The following ACACB variants were observed in gnomAD, a reference collection of about 807,000 sequenced individuals.
ACACB encodes the protein acetyl-CoA carboxylase beta.
In ACACB, 209 loss-of-function variants were observed where a neutral mutation model predicts 278.8. The ratio of observed to expected loss-of-function variants is 0.75; its 90% CI spans 0.67 to 0.84. The LOEUF (loss-of-function observed/expected upper bound fraction) is 0.84, where lower values mean the gene tolerates loss of function less well. ACACB is among the 40% of genes least tolerant of loss of function. The pLI, the probability that ACACB is intolerant of heterozygous loss-of-function variation, is 0.00. For synonymous variants in ACACB, 1,174 were observed against 1,285.6 expected, an observed-to-expected ratio of 0.91 and a Z score of 1.86; for missense variants, 2,850 against 3,269.0, an observed-to-expected ratio of 0.87 and a Z score of 3.13.
Position 109,209,325 on chromosome 12 carries a change from C to A in ACACB, c.3221C>A (p.Ser1074Ter), listed in dbSNP as rs376684937. 6.2e-7 allele frequency: 1 copy of A among 1,611,858 alleles called. No homozygotes were observed. Among genetic ancestry groups the A allele is most frequent in the Non-Finnish European group, 8.5e-7 (1 of 1,179,686 alleles). ...VMAQYASNIT[S>*]VLCQFPSQQI... ...GCCCAGTATGCCAGCAACATCACCT[C>A]GGTGCTGTGCCAGTTCCCCAGCCAG... Residue 1074 changes from serine (S) to a stop codon, truncating the protein, a stop_gained, in exon 21 of 53, where the codon TCG (serine) becomes TAG (stop). Coordinates refer to ENST00000338432, the MANE Select transcript of ACACB (RefSeq NM_001093.4). LOFTEE classifies it high-confidence loss of function.
At position 109,246,355 on chromosome 12, in the gene ACACB, C is replaced by A. The variant is rs773257728; in HGVS notation, c.5478C>A (p.Tyr1826Ter). Reference protein sequence around the residue: ...MARAEGIPKIYVAANSGARIG... With the variant: ...MARAEGIPKI The stretch of plus-strand genomic sequence containing the variant: ...GGGCAGAGGGCATTCCCAAAATTTA[C>A]GTGGCAGCCAACAGTGGCGCCCGTA... The change falls in exon 39 of 53, where the codon TAC becomes TAA. Residue 1826 changes from tyrosine (Y) to a stop codon, truncating the protein, a stop_gained. Coordinates refer to ENST00000338432, the MANE Select transcript of ACACB (RefSeq NM_001093.4). LOFTEE classifies it high-confidence loss of function. 2 of 1,613,252 alleles carry A rather than the reference C, an allele frequency of 1.2e-6. No individual in the cohort carries two copies. Among genetic ancestry groups the A allele is most frequent in the Non-Finnish European group, 8.5e-7 (1 of 1,179,882 alleles).
chr12:109,177,264 TG>T (rs2044311822), intron 9 of ACACB, among the ~76,000 whole-genome samples: 1 of 152,294 alleles, frequency 6.6e-6, no homozygotes, highest in Non-Finnish European at 1.5e-5. Flanking sequence ...TTTCCTTTTT[TG>T]TTAAATGTTT....
At chr12:109,242,724 A>C in intron 37 of ACACB, 132 bp downstream of exon 37, 10 of 1,123,852 alleles carry the variant, frequency 8.9e-6, no homozygotes, top group Non-Finnish European at 1.3e-5. Flanking sequence ...GCGGTGGCTC[A>C]CGCCTATAAT....
Position 109,163,722 on chromosome 12 carries a change from T to TC in ACACB, c.654-3138dup, listed in dbSNP as rs1453916572. On this transcript the variant is annotated intron_variant, in intron 2 of 52. Coordinates refer to ENST00000338432, the MANE Select transcript of ACACB (RefSeq NM_001093.4). Reference sequence around the variant, plus strand: ...TGGAGCGCAGTGGCACAATCTTGGCTCACTACAACATCCGCCTCCTGGGTT... The same window carrying TC: ...TGGAGCGCAGTGGCACAATCTTGGCTCCACTACAACATCCGCCTCCTGGGTT... Among the ~76,000 whole-genome samples, 4 of 152,302 alleles carry TC rather than the reference T, an allele frequency of 2.6e-5. No homozygotes were observed. The East Asian group carries it at 5.8e-4, about 22-fold the overall frequency.
At chr12:109,134,296 C>A (rs1242974617) in intron 1 of ACACB, among the ~76,000 whole-genome samples, 1 of 152,158 alleles carries the variant, frequency 6.6e-6, no homozygotes, top group Non-Finnish European at 1.5e-5. Flanking sequence ...GGGCAAAGAG[C>A]CCCAAGGGAG....
rs1002227016 is a variant in ACACB, at chr12:109,235,621, T to C, written c.4420T>C (p.Phe1474Leu). The change falls in exon 33 of 53, where the codon TTT (phenylalanine) becomes CTT (leucine). Residue 1474 changes from phenylalanine to leucine, a missense_variant. Physicochemically the swap from Phe to Leu is conservative, Grantham distance 22 (BLOSUM62 0). Coordinates refer to ENST00000338432, the MANE Select transcript of ACACB (RefSeq NM_001093.4). ...LIAQEKEFPKFFTFRARDEFA... is the reference protein window; with the variant it reads ...LIAQEKEFPKLFTFRARDEFA... The stretch of plus-strand genomic sequence containing the variant: ...CTTTTTGCAGAAAGAATTTCCCAAG[T>C]TTTTCACATTCAGAGCAAGAGATGA... The C allele has an allele frequency of 1.2e-6, 2 of 1,613,302 alleles. No homozygotes were observed. Among genetic ancestry groups the C allele is most frequent in the Admixed American group, 1.7e-5 (1 of 59,992 alleles).
intron 13 of ACACB, among the ~76,000 whole-genome samples, chr12:109,189,909 A>G (rs1033555977): frequency 6.6e-6 from 1 of 152,072 alleles, no homozygotes; most frequent in African/African-American, 2.4e-5. Context: ...CCAGGAGTTC[A>G]AGACCAGCCT....
Position 109,223,869 on chromosome 12 carries a change from C to G in ACACB, c.3847C>G (p.His1283Asp). ...CGACGTCCTGCCTACTTTCTTCTATCACGCAAACAAAGTCGTGTGCATGGC... is the reference window on the plus strand; with the variant it reads ...CGACGTCCTGCCTACTTTCTTCTATGACGCAAACAAAGTCGTGTGCATGGC... ...IFDVLPTFFY[H>D]ANKVVCMASL... The change falls in exon 27 of 53, where the codon CAC becomes GAC. Residue 1283 changes from histidine (H) to aspartate (D), a missense_variant. By Grantham distance (81) the His-to-Asp change is moderately conservative (BLOSUM62 -1). Around this residue, in one of 3 missense-constraint regions of ACACB, gnomAD observed 2,265 missense variants for 2,561.3 expected, o/e 0.88. Transcript: ENST00000338432. 1 of 1,614,192 alleles carries G rather than the reference C, an allele frequency of 6.2e-7. No individual in the cohort carries two copies. The highest frequency in any genetic ancestry group is 1.1e-5 in the South Asian group (1 of 91,092).
At chr12:109,215,115 A>G (rs1015443922) in intron 22 of ACACB, among the ~76,000 whole-genome samples, 1 of 151,594 alleles carries the variant, frequency 6.6e-6, no homozygotes, top group African/African-American at 2.4e-5. Context: ...AAAAAAAAAA[A>G]GGGAGAAGCA....
At position 109,191,175 on chromosome 12, in the gene ACACB, A is replaced by G. The variant is rs936349142; in HGVS notation, c.2145-438A>G. Among the ~76,000 whole-genome samples, 4 of 150,790 alleles carry G rather than the reference A, an allele frequency of 2.7e-5. No homozygotes were observed. The South Asian group carries it at 6.3e-4, about 24-fold the overall frequency. On this transcript the variant is annotated intron_variant, in intron 13 of 52. Coordinates refer to ENST00000338432, the MANE Select transcript of ACACB (RefSeq NM_001093.4). ...GGCAGTAAACCCTGGCGCTGATTCA[A>G]TGCACTGGCTGTGTCAGTCAGAGCC...
In ACACB at chr12:109,179,955, T is replaced by G. The variant is rs2044410530; in HGVS notation, c.1686T>G (p.Ser562Arg). Residue 562 changes from serine to arginine, a missense_variant, in exon 11 of 53, where the codon AGT becomes AGG. Ser to Arg is a moderately radical substitution (Grantham distance 110). Transcript: ENST00000338432. ...IRLAKTVGYV[S>R]AGTVEYLYSQ... ...TGGCCAAGACCGTGGGCTATGTGAGTGCAGGGACAGTGGAATACCTCTATA... is the reference window on the plus strand; with the variant it reads ...TGGCCAAGACCGTGGGCTATGTGAGGGCAGGGACAGTGGAATACCTCTATA... The G allele has an allele frequency of 6.2e-6, 10 of 1,613,858 alleles. No homozygotes were observed. The highest frequency in any genetic ancestry group is 7.6e-6 in the Non-Finnish European group (9 of 1,179,856).
rs762853678 is a variant in ACACB, at chr12:109,139,396, G to A, written c.-9-1G>A. 4.4e-6 allele frequency: 7 copies of A among 1,604,348 alleles called. No homozygotes were observed. In the East Asian group the frequency reaches 1.6e-4, roughly 36 times the overall value. On this transcript the variant is annotated splice_acceptor_variant, in intron 1 of 52. Coordinates refer to ENST00000338432, the MANE Select transcript of ACACB (RefSeq NM_001093.4). LOFTEE classifies it low-confidence loss of function (5UTR_SPLICE). ...AAATGTCTCTCCTTTTCTCCTTACA[G>A]ATTTTCTGAATGGTCTTGCTTCTTT... is the stretch of plus-strand genomic sequence containing the variant.
At position 109,242,510 on chromosome 12, in the gene ACACB, A is replaced by C; in HGVS notation, c.5096A>C (p.Lys1699Thr). The change falls in exon 37 of 53, where the codon AAG (lysine) becomes ACG (threonine). Residue 1699 changes from lysine (K) to threonine (T), a missense_variant. Around this residue, in one of 3 missense-constraint regions of ACACB, gnomAD observed 2,265 missense variants for 2,561.3 expected, o/e 0.88. Transcript: ENST00000338432. ...CTGATCAATACTCCCTACGTCACCA[A>C]GGATCTGCTCCAGGCCAAGCGATTC... is the stretch of plus-strand genomic sequence containing the variant. ...GMLINTPYVT[K>T]DLLQAKRFQA... 1 of 1,614,124 alleles carries C rather than the reference A, an allele frequency of 6.2e-7. No individual in the cohort carries two copies. Among genetic ancestry groups the C allele is most frequent in the African/African-American group, 1.3e-5 (1 of 75,042 alleles).
At chr12:109,231,068 G>A (rs1278876758) in intron 28 of ACACB, among the ~76,000 whole-genome samples, 1 of 152,122 alleles carries the variant, frequency 6.6e-6, no homozygotes, top group Non-Finnish European at 1.5e-5. Flanking sequence ...GGCCTGGCTT[G>A]GCCCTCAACA....
chr12:109,261,870 A>T (rs1412855246), intron 48 of ACACB, among the ~76,000 whole-genome samples: 1 of 143,550 alleles, frequency 7.0e-6, no homozygotes, highest in Non-Finnish European at 1.5e-5. Context: ...GACCCTGTCT[A>T]AAAAAAAAAC....
chr12:109,256,107 C>T (rs1430940202), intron 44 of ACACB, 33 bp from the exon 45 acceptor site: 3 of 1,598,244 alleles, frequency 1.9e-6, no homozygotes, highest in Admixed American at 1.7e-5. Context: ...CCACCTGGCC[C>T]TCCAGCCTGG....
In ACACB at chr12:109,179,196, C is replaced by G; in HGVS notation, c.1546C>G (p.Leu516Val). Reference sequence around the variant, plus strand: ...TGACCAGTATGGGAATGCTGTGTCTCTGTTTGGTCGCGACTGCTCCATCCA... The same window carrying G: ...TGACCAGTATGGGAATGCTGTGTCTGTGTTTGGTCGCGACTGCTCCATCCA... The part of the protein sequence containing the change: ...LADQYGNAVS[L>V]FGRDCSIQRR... The change falls in exon 10 of 53, where the codon CTG (leucine) becomes GTG (valine). Residue 516 changes from leucine (L) to valine (V), a missense_variant. Physicochemically the swap from Leu to Val is conservative, Grantham distance 32. Coordinates refer to ENST00000338432, the MANE Select transcript of ACACB (RefSeq NM_001093.4). 6.2e-7 allele frequency: 1 copy of G among 1,614,166 alleles called. No homozygotes were observed. The highest frequency in any genetic ancestry group is 1.1e-5 in the South Asian group (1 of 91,086).
intron 11 of ACACB, among the ~76,000 whole-genome samples, chr12:109,183,842 G>T (rs984040861): frequency 6.6e-6 from 1 of 150,400 alleles, no homozygotes; most frequent in African/African-American, 2.5e-5. Context: ...GTCTCATTAC[G>T]TTGCCCAGGC....
intron 24 of ACACB, among the ~76,000 whole-genome samples, chr12:109,220,525 G>C (rs2046128671): frequency 6.6e-6 from 1 of 152,130 alleles, no homozygotes. Context: ...TAACAAGAAA[G>C]AAAAATGGTG....
Sources: allele counts gnomAD v4.1 joint callset (sites outside exome capture counted in the v4.1 genomes callset), GRCh38; gene constraint gnomAD v4.1.1; regional missense constraint gnomAD v4.1.1; transcripts MANE v1.5; gene names NCBI Gene and HGNC (gene_info 2026-07-23, HGNC 2026-07-21).